RYR1: variants seen among roughly 807,000 people sequenced by gnomAD.
The protein encoded by RYR1 is central core disease of muscle.
RYR1 carries 342 observed loss-of-function variants against 583.5 expected under a neutral mutation model. The ratio of observed to expected loss-of-function variants is 0.59; its 90% CI spans 0.54 to 0.64. The LOEUF is 0.64. Ranked by LOEUF, RYR1 falls within the 30% of genes least tolerant of loss-of-function variation. The pLI is 0.00. For missense variants in RYR1, 6,032 were observed against 6,917.2 expected, an observed-to-expected ratio of 0.87 and a Z score of 4.54; for synonymous variants, 2,791 against 2,822.5, an observed-to-expected ratio of 0.99 and a Z score of 0.35.
chr19:38,438,420 A>G lies in RYR1; in HGVS notation c.46-2325A>G, dbSNP rs144285425. On this transcript the variant is annotated intron_variant, in intron 1 of 105. Transcript: ENST00000359596. ...TTTTTCCTTTTGAGACATGGTCTCA[A>G]TCTGTCTCAGGGGCCCCAGGGAGGT... 1.7e-3 allele frequency among the ~76,000 whole-genome samples: 248 copies of G among 149,924 alleles called. 3 individuals are homozygous for G. Among genetic ancestry groups the G allele is most frequent in the Middle Eastern group, 6.8e-3 (2 of 294 alleles).
At chr19:38,488,288 A>G (rs1969388463) in intron 34 of RYR1, among the ~76,000 whole-genome samples, 1 of 151,856 alleles carries the variant, frequency 6.6e-6, no homozygotes, top group South Asian at 2.1e-4. Flanking sequence ...TCTCTCATCC[A>G]TCCACCCATC....
intron 58 of RYR1, among the ~76,000 whole-genome samples, chr19:38,509,255 C>T (rs925009825): frequency 6.6e-6 from 1 of 152,024 alleles, no homozygotes; most frequent in African/African-American, 2.4e-5. Context: ...CATAACTAGC[C>T]ATGGTTCTGT....
chr19:38,527,265 CTT>C (rs947598406), intron 72 of RYR1, among the ~76,000 whole-genome samples: 13 of 152,334 alleles, frequency 8.5e-5, no homozygotes, highest in African/African-American at 1.2e-4. Context: ...AATCCCAACA[CTT>C]TGGAAGGCCA....
chr19:38,528,906 G>T (rs529956836), intron 75 of RYR1, 45 bp from the exon 76 acceptor site: 1 of 1,591,320 alleles, frequency 6.3e-7, no homozygotes, highest in South Asian at 1.1e-5. Flanking sequence ...AGTGACAGGA[G>T]GGGACTCTAG....
At chr19:38,522,808 G>A (rs545182307) in intron 67 of RYR1, among the ~76,000 whole-genome samples, 43 of 152,102 alleles carry the variant, frequency 2.8e-4, no homozygotes, top group African/African-American at 9.9e-4. Context: ...AAATTAGCCC[G>A]GTGTGGTGTC....
At position 38,505,338 on chromosome 19, in the gene RYR1, C is replaced by G; in HGVS notation, c.8340C>G (p.Asn2780Lys). 2.5e-6 allele frequency: 4 copies of G among 1,612,396 alleles called. No individual in the cohort carries two copies. Among genetic ancestry groups the G allele is most frequent in the Non-Finnish European group, 3.4e-6 (4 of 1,179,252 alleles). Residue 2780 changes from asparagine (N) to lysine (K), a missense_variant, in exon 53 of 106, where the codon AAC becomes AAG. Transcript: ENST00000359596. Reference protein sequence around the residue: ...KIQNNWSYGENIDEELKTHPM... With the variant: ...KIQNNWSYGEKIDEELKTHPM... ...AGAACAACTGGTCCTATGGAGAGAA[C>G]ATAGACGAGGAGCTGAAGACCCACC...
At chr19:38,551,025 C>CTTCTTT (rs1972642152) in intron 89 of RYR1, among the ~76,000 whole-genome samples, 3 of 41,314 alleles carry the variant, frequency 7.3e-5, no homozygotes, top group African/African-American at 2.5e-4. Flanking sequence ...GGATTCACGG[C>CTTCTTT]TTTTTTTTTT....
chr19:38,453,263 G>C (rs1967185014), intron 13 of RYR1, among the ~76,000 whole-genome samples: 1 of 151,462 alleles, frequency 6.6e-6, no homozygotes, highest in African/African-American at 2.4e-5. Flanking sequence ...AGGGCGTATG[G>C]CCGACCAGGG....
At chr19:38,562,143 A>G (rs2145834343) in intron 90 of RYR1, among the ~76,000 whole-genome samples, 1 of 152,086 alleles carries the variant, frequency 6.6e-6, no homozygotes, top group South Asian at 2.1e-4. Context: ...CCCTCACTGT[A>G]GCCCTGGCAC....
intron 84 of RYR1, among the ~76,000 whole-genome samples, chr19:38,541,980 G>C (rs117887280): frequency 6.7e-6 from 1 of 149,580 alleles, no homozygotes; most frequent in African/African-American, 2.5e-5. Context: ...GAGGTGGGAG[G>C]ACCACTTGAA....
chr19:38,455,145 TG>T, intron 13 of RYR1, 89 bp from the exon 14 acceptor site: 2 of 1,462,662 alleles, frequency 1.4e-6, no homozygotes, highest in Non-Finnish European at 1.9e-6. Flanking sequence ...CACTAGTTGT[TG>T]AAGGAATATG....
Position 38,586,097 on chromosome 19 carries a change from T to TGCTTCATCTGTGGAATCG in RYR1, c.14878_14895dup (p.Phe4960_Gly4965dup), listed in dbSNP as rs1161298828. The stretch of plus-strand genomic sequence containing the variant: ...TGTCTCTTGCCACTCACAGACCAAG[T>TGCTTCATCTGTGGAATCG]GCTTCATCTGTGGAATCGGCAGTGA... On this transcript the variant is annotated inframe_insertion, in exon 104 of 106. Coordinates refer to ENST00000359596, the MANE Select transcript of RYR1 (RefSeq NM_000540.3). 1 of 1,613,974 alleles carries TGCTTCATCTGTGGAATCG rather than the reference T, an allele frequency of 6.2e-7. No homozygotes were observed. Among genetic ancestry groups the TGCTTCATCTGTGGAATCG allele is most frequent in the African/African-American group, 1.3e-5 (1 of 74,914 alleles).
At position 38,535,470 on chromosome 19, in the gene RYR1, C is replaced by CT. The variant is rs1251282165; in HGVS notation, c.11516+79dup. The CT allele has an allele frequency of 3.8e-5, 40 of 1,066,134 alleles. No individual in the cohort carries two copies. In the African/African-American group the frequency reaches 6.2e-4, roughly 17 times the overall value. 66.0% of individuals were successfully genotyped at this position (1,066,134 alleles called of 1,614,324 possible). A position where few individuals can be genotyped will look rare whatever the true frequency, so the allele number is the denominator to read the frequency against. On this transcript the variant is annotated intron_variant, in intron 81 of 105. Transcript: ENST00000359596. The stretch of plus-strand genomic sequence containing the variant: ...CCCACTCCTGGTACCATTTCCAGTT[C>CT]TGATTCTGCTCTTTCAGTCCAGGGA...
Position 38,458,203 on chromosome 19 carries a change from C to A in RYR1, c.2078C>A (p.Pro693His), listed in dbSNP as rs1484577672. Residue 693 changes from proline (P) to histidine (H), a missense_variant, in exon 18 of 106, where the codon CCC (proline) becomes CAC (histidine). Around this residue, in one of 11 missense-constraint regions of RYR1, gnomAD observed 2,627 missense variants for 2,961.3 expected, o/e 0.89. Transcript: ENST00000359596. Reference protein sequence around the residue: ...VGWALTEGYTPYPGAGEGWGG... With the variant: ...VGWALTEGYTHYPGAGEGWGG... Reference sequence around the variant, plus strand: ...TGGGCCCTCACCGAGGGCTACACCCCCTACCCTGGGGCCGGCGAGGGCTGG... The same window carrying A: ...TGGGCCCTCACCGAGGGCTACACCCACTACCCTGGGGCCGGCGAGGGCTGG... 1.2e-6 allele frequency: 2 copies of A among 1,613,986 alleles called. No individual in the cohort carries two copies. Among genetic ancestry groups the A allele is most frequent in the Non-Finnish European group, 1.7e-6 (2 of 1,180,026 alleles).
At chr19:38,460,107 G>A (rs1434799336) in intron 19 of RYR1, among the ~76,000 whole-genome samples, 1 of 152,176 alleles carries the variant, frequency 6.6e-6, no homozygotes, top group Non-Finnish European at 1.5e-5. Context: ...ACTGTTCCAT[G>A]ACCTTGCAGT....
Position 38,500,467 on chromosome 19 carries a change from C to T in RYR1, c.7324-139C>T, listed in dbSNP as rs191481468. On this transcript the variant is annotated intron_variant, in intron 45 of 105. Transcript: ENST00000359596. The surrounding 1 kb of genome is among the most constrained non-coding windows in gnomAD (Gnocchi z 5.9). ...GGGTGGGGGGGCACAGGCAGAGGAA[C>T]GAGGGCTGGAAACTCTAGACAGCCT... 1.8e-3 allele frequency: 2,201 copies of T among 1,255,524 alleles called. 5 individuals carry two copies. The highest frequency in any genetic ancestry group is 2.1e-3 in the Middle Eastern group (8 of 3,732). 77.8% of individuals were successfully genotyped at this position (1,255,524 alleles called of 1,614,324 possible). A position where few individuals can be genotyped will look rare whatever the true frequency, so the allele number is the denominator to read the frequency against.
chr19:38,478,213 C>T (rs753504249), intron 30 of RYR1, among the ~76,000 whole-genome samples: 1 of 151,974 alleles, frequency 6.6e-6, no homozygotes, highest in Non-Finnish European at 1.5e-5. Context: ...CCTTTCAGAC[C>T]CCCACCCCCA....
At chr19:38,536,288 C>G (rs1055592202) in intron 82 of RYR1, among the ~76,000 whole-genome samples, 6 of 146,704 alleles carry the variant, frequency 4.1e-5, no homozygotes, top group Non-Finnish European at 9.1e-5. Flanking sequence ...TCCGCCCCCC[C>G]CCGCCACCAG....
rs1049453360 is a variant in RYR1 at position 38,549,920 on chromosome 19, T to A, written c.12282+1500T>A. On this transcript the variant is annotated intron_variant, in intron 89 of 105. Coordinates refer to ENST00000359596, the MANE Select transcript of RYR1 (RefSeq NM_000540.3). ...GTGTGTGTGTGTGTGTGTGTGTGTG[T>A]GTGTGTTGTATTTTTAGTAGAGATG... is the stretch of plus-strand genomic sequence containing the variant. 3.5e-5 allele frequency among the ~76,000 whole-genome samples: 5 copies of A among 141,100 alleles called. No homozygotes were observed. The South Asian group carries it at 1.1e-3, about 31-fold the overall frequency. 92.6% of individuals were successfully genotyped at this position (141,100 alleles called of 152,430 possible).
Sources: gnomAD v4.1 joint callset for allele counts (sites outside exome capture counted in the v4.1 genomes callset) on GRCh38, gnomAD v4.1.1 for gene constraint, gnomAD v4.1.1 regional missense constraint, Gnocchi (gnomAD v3.1) non-coding constraint, MANE v1.5 for transcripts, NCBI Gene and HGNC (gene_info 2026-07-23, HGNC 2026-07-21) for gene names.